MATCAP1: variants seen among roughly 807,000 people sequenced by gnomAD.
MATCAP1 encodes the protein microtubule-associated tyrosine carboxypeptidase 1.
chr16:67,178,032 G>A, the MATCAP1 span: 2 of 1,614,078 alleles, frequency 1.2e-6, no homozygotes, highest in African/African-American at 1.3e-5. Context: ...GGTCAGCAAC[G>A]GGAAATCGAT....
chr16:67,176,650 A>C, the MATCAP1 span: 1 of 648,306 alleles, frequency 1.5e-6, no homozygotes, highest in Non-Finnish European at 2.4e-6. This position sits in a 1 kb window ranked among gnomAD's most constrained non-coding sequence, Gnocchi z 4.3. Context: ...CAAGGGACAC[A>C]AACACTTTGA....
At chr16:67,179,478 T>G in the MATCAP1 span, 1 of 1,612,358 alleles carries the variant, frequency 6.2e-7, no homozygotes, top group Non-Finnish European at 8.5e-7. This position sits in a 1 kb window ranked among gnomAD's most constrained non-coding sequence, Gnocchi z 5.2. Flanking sequence ...CGGGCTCCGG[T>G]CAGGTTGATC....
chr16:67,179,561 A>G, the MATCAP1 span: 2 of 1,611,750 alleles, frequency 1.2e-6, no homozygotes, highest in Non-Finnish European at 1.7e-6. This position sits in a 1 kb window ranked among gnomAD's most constrained non-coding sequence, Gnocchi z 5.2. Context: ...CTGCACCACA[A>G]CCTGCAGGTG....
chr16:67,179,867 T>C, the MATCAP1 span: 1 of 1,614,228 alleles, frequency 6.2e-7, no homozygotes, highest in Non-Finnish European at 8.5e-7. This position sits in a 1 kb window ranked among gnomAD's most constrained non-coding sequence, Gnocchi z 5.2. Flanking sequence ...CGACCATATC[T>C]GGCACTTGGT....
the MATCAP1 span, chr16:67,180,560 C>A: frequency 6.5e-7 from 1 of 1,528,432 alleles, no homozygotes; most frequent in Non-Finnish European, 8.8e-7. Context: ...GACTGGTAGG[C>A]GGGCTGGGGG....
At chr16:67,178,600 G>A in the MATCAP1 span, 2 of 1,086,450 alleles carry the variant, frequency 1.8e-6, no homozygotes, top group Non-Finnish European at 2.7e-6. Flanking sequence ...CCGGGGCTCT[G>A]GCCGCGACAC....
chr16:67,178,935 C>T, the MATCAP1 span: 5 of 419,264 alleles, frequency 1.2e-5, no homozygotes, highest in Admixed American at 1.4e-4. Flanking sequence ...ACAGGATTCT[C>T]GAGGAAGAGG....
At chr16:67,176,877 C>T in the MATCAP1 span, 3 of 1,610,872 alleles carry the variant, frequency 1.9e-6, no homozygotes, top group Non-Finnish European at 2.5e-6. This position sits in a 1 kb window ranked among gnomAD's most constrained non-coding sequence, Gnocchi z 4.3. Context: ...TGTGCTCCAG[C>T]TGCTGCCGGT....
At chr16:67,178,272 G>A in the MATCAP1 span, 2 of 1,570,876 alleles carry the variant, frequency 1.3e-6, no homozygotes, top group Admixed American at 1.9e-5. Context: ...CGTCCTGCAC[G>A]TAGCGCTCCA....
chr16:67,176,677 C>T, the MATCAP1 span: 1 of 831,352 alleles, frequency 1.2e-6, no homozygotes, highest in South Asian at 2.5e-5. The surrounding 1 kb of genome is among the most constrained non-coding windows in gnomAD (Gnocchi z 4.3). Context: ...CACTCCTCCT[C>T]AAGGAATGCT....
the MATCAP1 span, chr16:67,183,796 C>A: frequency 2.4e-5 from 4 of 168,578 alleles, no homozygotes. Flanking sequence ...GAGGCTTCTC[C>A]GGGAGATCAG....
chr16:67,178,658 G>A, the MATCAP1 span: 1 of 754,978 alleles, frequency 1.3e-6, no homozygotes, highest in Non-Finnish European at 2.3e-6. Flanking sequence ...GGCTCTCCCA[G>A]CCCCAGGCAG....
At chr16:67,176,995 A>G in the MATCAP1 span, 1 of 1,532,830 alleles carries the variant, frequency 6.5e-7, no homozygotes, top group Non-Finnish European at 8.8e-7. The surrounding 1 kb of genome is among the most constrained non-coding windows in gnomAD (Gnocchi z 4.3). Flanking sequence ...GAAGCCGGGC[A>G]TCAGGCATAG....
chr16:67,178,621 A>G, the MATCAP1 span: 6 of 916,824 alleles, frequency 6.5e-6, no homozygotes, highest in Middle Eastern at 2.1e-4. Flanking sequence ...TTCCATCCTC[A>G]TGCTCCTGAA....
the MATCAP1 span, among the ~76,000 whole-genome samples, chr16:67,181,989 G>T: frequency 4.6e-5 from 7 of 152,136 alleles, no homozygotes; most frequent in African/African-American, 9.7e-5. Context: ...GGTGGCTCAC[G>T]CCTGTAATCC....
At chr16:67,178,882 G>C in the MATCAP1 span, 1 of 477,200 alleles carries the variant, frequency 2.1e-6, no homozygotes, top group Non-Finnish European at 4.0e-6. Flanking sequence ...ATCTTGAACA[G>C]TCATGCTGAT....
At chr16:67,179,562 C>T in the MATCAP1 span, 1 of 1,611,930 alleles carries the variant, frequency 6.2e-7, no homozygotes, top group Non-Finnish European at 8.5e-7. This position sits in a 1 kb window ranked among gnomAD's most constrained non-coding sequence, Gnocchi z 5.2. Flanking sequence ...TGCACCACAA[C>T]CTGCAGGTGG....
the MATCAP1 span, chr16:67,180,131 G>A: frequency 6.2e-7 from 1 of 1,614,234 alleles, no homozygotes; most frequent in East Asian, 2.2e-5. Context: ...GATTGTAGGT[G>A]TAATGGGACT....
At chr16:67,179,758 C>A in the MATCAP1 span, 1 of 1,606,656 alleles carries the variant, frequency 6.2e-7, no homozygotes, top group Middle Eastern at 1.7e-4. The surrounding 1 kb of genome is among the most constrained non-coding windows in gnomAD (Gnocchi z 5.2). Flanking sequence ...CCTGGGACCG[C>A]CCACAAGACA....
Sources: gnomAD v4.1 joint callset for allele counts (sites outside exome capture counted in the v4.1 genomes callset) on GRCh38, gnomAD v4.1.1 for gene constraint, Gnocchi (gnomAD v3.1) non-coding constraint, MANE v1.5 for transcripts, NCBI Gene and HGNC (gene_info 2026-07-23, HGNC 2026-07-21) for gene names.